Variants in ENTREP2 observed in about 807,000 individuals in gnomAD.
ENTREP2 encodes the protein protein ENTREP2.
At chr15:29,651,337 C>T in the ENTREP2 span, among the ~76,000 whole-genome samples, 1 of 152,166 alleles carries the variant, frequency 6.6e-6, no homozygotes, top group Admixed American at 6.5e-5. Context: ...ATTAGGTATT[C>T]TGGAAAAGAC....
chr15:29,479,406 A>G, the ENTREP2 span, among the ~76,000 whole-genome samples: 2 of 151,930 alleles, frequency 1.3e-5, no homozygotes, highest in African/African-American at 4.8e-5. Context: ...TAAATTACCC[A>G]GGGTCAGGTA....
chr15:29,422,106 A>G, the ENTREP2 span, among the ~76,000 whole-genome samples: 3 of 152,168 alleles, frequency 2.0e-5, no homozygotes, highest in East Asian at 3.9e-4. Context: ...TGTCTGTACT[A>G]AAAATACAAA....
At chr15:29,668,900 C>T in the ENTREP2 span, among the ~76,000 whole-genome samples, 2 of 152,224 alleles carry the variant, frequency 1.3e-5, no homozygotes, top group Non-Finnish European at 2.9e-5. Context: ...CCATTGTCTG[C>T]TCTGCAGGCC....
chr15:29,304,978 T>C, the ENTREP2 span, among the ~76,000 whole-genome samples: 1 of 152,136 alleles, frequency 6.6e-6, no homozygotes, highest in East Asian at 1.9e-4. Context: ...CCCCCATCAC[T>C]CCCTCAGCCA....
the ENTREP2 span, among the ~76,000 whole-genome samples, chr15:29,660,220 A>G: frequency 6.6e-6 from 1 of 152,228 alleles, no homozygotes; most frequent in Non-Finnish European, 1.5e-5. Flanking sequence ...CTATGGTTCA[A>G]ATGTGCCCCC....
chr15:29,640,547 A>C, the ENTREP2 span, among the ~76,000 whole-genome samples: 4 of 152,088 alleles, frequency 2.6e-5, no homozygotes, highest in Non-Finnish European at 4.4e-5. Flanking sequence ...CTGTAGACCC[A>C]GCTACTCTGG....
At chr15:29,177,707 A>G in the ENTREP2 span, among the ~76,000 whole-genome samples, 2 of 152,114 alleles carry the variant, frequency 1.3e-5, no homozygotes, top group African/African-American at 4.8e-5. Flanking sequence ...GTGCATAGGG[A>G]GCACTCTCAG....
the ENTREP2 span, among the ~76,000 whole-genome samples, chr15:29,343,644 A>C: frequency 6.6e-6 from 1 of 151,972 alleles, no homozygotes; most frequent in African/African-American, 2.4e-5. Context: ...GTTACTCTGG[A>C]GAACCCTGAT....
At chr15:29,273,267 T>C in the ENTREP2 span, among the ~76,000 whole-genome samples, 1 of 151,512 alleles carries the variant, frequency 6.6e-6, no homozygotes, top group Non-Finnish European at 1.5e-5. Flanking sequence ...GTCACGATCT[T>C]GGCTCACTGC....
At chr15:29,534,840 A>G in the ENTREP2 span, among the ~76,000 whole-genome samples, 5 of 152,238 alleles carry the variant, frequency 3.3e-5, no homozygotes, top group Non-Finnish European at 7.3e-5. Context: ...CCAGCACAAA[A>G]AAAGGCACCA....
At chr15:29,205,733 T>C in the ENTREP2 span, among the ~76,000 whole-genome samples, 2 of 152,244 alleles carry the variant, frequency 1.3e-5, no homozygotes, top group African/African-American at 4.8e-5. Flanking sequence ...TTATCAACTA[T>C]ACAATTGGTA....
chr15:29,536,328 C>T, the ENTREP2 span, among the ~76,000 whole-genome samples: 3 of 152,158 alleles, frequency 2.0e-5, no homozygotes, highest in Non-Finnish European at 4.4e-5. Context: ...AATTAAGATA[C>T]TCTTACCAGC....
At chr15:29,304,213 G>A in the ENTREP2 span, among the ~76,000 whole-genome samples, 1 of 152,044 alleles carries the variant, frequency 6.6e-6, no homozygotes, top group Non-Finnish European at 1.5e-5. Flanking sequence ...ACACTCCACT[G>A]AAAATATTGA....
At chr15:29,374,032 A>G in the ENTREP2 span, 4 of 151,776 alleles carry the variant, frequency 2.6e-5, no homozygotes, top group Non-Finnish European at 2.9e-5. Flanking sequence ...TCTATCTCTA[A>G]GTGTTGGGAT....
chr15:29,451,472 T>C, the ENTREP2 span, among the ~76,000 whole-genome samples: 2 of 151,846 alleles, frequency 1.3e-5, no homozygotes, highest in African/African-American at 2.4e-5. Flanking sequence ...AGAGAGCTCA[T>C]GTCGGGGGCG....
chr15:29,534,746 G>A, the ENTREP2 span, among the ~76,000 whole-genome samples: 1 of 152,164 alleles, frequency 6.6e-6, no homozygotes, highest in African/African-American at 2.4e-5. Context: ...TTCTACCTCA[G>A]TGGTGCCAAT....
At chr15:29,241,466 G>A in the ENTREP2 span, among the ~76,000 whole-genome samples, 2 of 152,220 alleles carry the variant, frequency 1.3e-5, no homozygotes, top group Non-Finnish European at 2.9e-5. Context: ...GCAATTGCCT[G>A]TGTGGTAGGG....
the ENTREP2 span, chr15:29,195,419 C>T: frequency 2.6e-5 from 16 of 623,582 alleles, no homozygotes; most frequent in Non-Finnish European, 3.0e-5. Context: ...CCATCCCCTG[C>T]ATACTGCATT....
At chr15:29,148,572 ATTGT>A in the ENTREP2 span, among the ~76,000 whole-genome samples, 2 of 152,192 alleles carry the variant, frequency 1.3e-5, no homozygotes, top group African/African-American at 4.8e-5. Flanking sequence ...GTTATACTGT[ATTGT>A]TTTTTATTTA....
Sources: allele counts gnomAD v4.1 joint callset (sites outside exome capture counted in the v4.1 genomes callset), GRCh38; gene constraint gnomAD v4.1.1; transcripts MANE v1.5; gene names NCBI Gene and HGNC (gene_info 2026-07-23, HGNC 2026-07-21).